Variants in SLC6A18 observed in about 807,000 individuals in gnomAD.
The protein encoded by SLC6A18 is inactive sodium-dependent neutral amino acid transporter B(0)AT3.
A neutral mutation model predicts 62.9 loss-of-function variants in SLC6A18; 58 were observed. That is an observed-to-expected ratio of 0.92 (90% CI 0.75 to 1.15). The LOEUF is 1.15. Among genes scored for constraint, SLC6A18 ranks in the 50% most tolerant of loss-of-function variants. SLC6A18 has a pLI of 0.00. For synonymous variants in SLC6A18, 382 were observed against 365.8 expected (o/e 1.04, Z -0.51); for missense variants, 793 against 836.6 (o/e 0.95, Z 0.64).
At chr5:1,228,341 G>T (rs1346484374) in intron 1 of SLC6A18, among the ~76,000 whole-genome samples, 1 of 152,150 alleles carries the variant, frequency 6.6e-6, no homozygotes, top group Non-Finnish European at 1.5e-5. Context: ...CTGCACCCTC[G>T]CGGCTCCCGG....
In SLC6A18 at chr5:1,244,270, A is replaced by T; in HGVS notation, c.1393A>T (p.Asn465Tyr). Residue 465 changes from asparagine to tyrosine, a missense_variant, in exon 10 of 12, where the codon AAC (asparagine) becomes TAC (tyrosine). By Grantham distance (143) the Asn-to-Tyr change is moderately radical. Coordinates refer to ENST00000324642, the MANE Select transcript of SLC6A18 (RefSeq NM_182632.3). ...SATCFTLQSGNYWLEIFDNFA... is the reference protein window; with the variant it reads ...SATCFTLQSGYYWLEIFDNFA... Reference sequence around the variant, plus strand: ...CACCTGCTTCACGCTGCAGTCTGGGAACTACTGGCTGGAGATTTTCGACAA... The same window carrying T: ...CACCTGCTTCACGCTGCAGTCTGGGTACTACTGGCTGGAGATTTTCGACAA... 1 of 1,586,840 alleles carries T rather than the reference A, an allele frequency of 6.3e-7. No homozygotes were observed. The highest frequency in any genetic ancestry group is 1.7e-4 in the Middle Eastern group (1 of 5,906).
intron 5 of SLC6A18, among the ~76,000 whole-genome samples, chr5:1,238,378 G>GAGGAGGACTTCGGTCT (rs752081648): frequency 2.6e-4 from 19 of 73,294 alleles, no homozygotes; most frequent in African/African-American, 8.7e-4. Context: ...AGTGGGCCTG[G>GAGGAGGACTTCGGTCT]GGCCTCAGGA....
Position 1,225,408 on chromosome 5 carries a change from G to C in SLC6A18, c.-70G>C. ...TTTCCAAACGTCGGCAGAGGCTGGA[G>C]ACGGCTCTCTAGTGCTGGGTGTGGA... On this transcript the variant is annotated 5_prime_UTR_variant, in exon 1 of 12. Coordinates refer to ENST00000324642, the MANE Select transcript of SLC6A18 (RefSeq NM_182632.3). The C allele has an allele frequency of 1.3e-6, 2 of 1,482,948 alleles. No homozygotes were observed. Among genetic ancestry groups the C allele is most frequent in the Non-Finnish European group, 1.8e-6 (2 of 1,110,130 alleles). 91.9% of individuals were successfully genotyped at this position (1,482,948 alleles called of 1,614,324 possible).
At chr5:1,236,062 C>T (rs1746876022) in intron 4 of SLC6A18, among the ~76,000 whole-genome samples, 1 of 152,170 alleles carries the variant, frequency 6.6e-6, no homozygotes. Context: ...AGAGCATTTA[C>T]ATTTAATGTG....
chr5:1,226,915 A>G (rs1451424868), intron 1 of SLC6A18, among the ~76,000 whole-genome samples: 2 of 152,078 alleles, frequency 1.3e-5, no homozygotes, highest in African/African-American at 4.8e-5. Context: ...TTGTTCGCCA[A>G]TGCCTTGCCC....
At chr5:1,231,064 G>A (rs1249831983) in intron 1 of SLC6A18, among the ~76,000 whole-genome samples, 1 of 152,188 alleles carries the variant, frequency 6.6e-6, no homozygotes, top group East Asian at 1.9e-4. Flanking sequence ...AGGTCTTGTA[G>A]GCAGCTGCTG....
Position 1,239,511 on chromosome 5 carries a change from T to C in SLC6A18, c.794T>C (p.Leu265Pro), listed in dbSNP as rs1746996139. 6.2e-7 allele frequency: 1 copy of C among 1,614,102 alleles called. No homozygotes were observed. The change falls in exon 6 of 12, where the codon CTG (leucine) becomes CCG (proline). Residue 265 changes from leucine to proline, a missense_variant. Transcript: ENST00000324642. Reference protein sequence around the residue: ...LDAATQIFFSLSLAFGGHIAF... With the variant: ...LDAATQIFFSPSLAFGGHIAF... ...GCAGCCACCCAGATATTCTTCTCTC[T>C]GTCCCTGGCCTTCGGAGGACACATC...
intron 5 of SLC6A18, 42 bp from the exon 6 acceptor site, chr5:1,239,408 G>A: frequency 6.8e-7 from 1 of 1,478,132 alleles, no homozygotes; most frequent in Non-Finnish European, 9.5e-7. Flanking sequence ...CAGCTCATGT[G>A]GTTTGCCTGC....
Position 1,246,115 on chromosome 5 carries a change from G to C in SLC6A18, c.*37G>C, listed in dbSNP as rs753378190. On this transcript the variant is annotated 3_prime_UTR_variant, in exon 12 of 12. Coordinates refer to ENST00000324642, the MANE Select transcript of SLC6A18 (RefSeq NM_182632.3). ...GCGGGGCCTGCATGGGCGGGTCTGT[G>C]GGGGGGCTTGGCCTGATGGTGGGCG... 3.5e-5 allele frequency: 54 copies of C among 1,529,716 alleles called. No homozygotes were observed. Among genetic ancestry groups the C allele is most frequent in the Non-Finnish European group, 4.6e-5 (53 of 1,143,982 alleles). The allele number at this position is 1,529,716 out of a possible 1,614,324, so 94.8% of individuals were successfully genotyped here.
At chr5:1,237,077 TA>T (rs59702141) in intron 4 of SLC6A18, among the ~76,000 whole-genome samples, 43,338 of 137,468 alleles carry the variant, frequency 0.32, 6,481 homozygotes, top group Middle Eastern at 0.42. Context: ...CTACTAAAAA[TA>T]AAAAAAAAAA....
intron 8 of SLC6A18, 94 bp downstream of exon 8, chr5:1,242,957 A>G (rs935503932): frequency 7.2e-7 from 1 of 1,385,406 alleles, no homozygotes. Context: ...GCTGCAAACA[A>G]TTCCCACAGA....
chr5:1,239,438 G>A lies in SLC6A18; in HGVS notation c.733-12G>A. On this transcript the variant is annotated splice_polypyrimidine_tract_variant and intron_variant, in intron 5 of 11. Coordinates refer to ENST00000324642, the MANE Select transcript of SLC6A18 (RefSeq NM_182632.3). ...GCCTGCTGAGTGAGACGCTCTCCCTGACTCATTCCAGATGCACATTCTCCA... is the reference window on the plus strand; with the variant it reads ...GCCTGCTGAGTGAGACGCTCTCCCTAACTCATTCCAGATGCACATTCTCCA... 6.2e-7 allele frequency: 1 copy of A among 1,602,822 alleles called. No individual in the cohort carries two copies. The highest frequency in any genetic ancestry group is 8.5e-7 in the Non-Finnish European group (1 of 1,169,878).
chr5:1,238,926 C>G (rs1056796767), intron 5 of SLC6A18, among the ~76,000 whole-genome samples: 1 of 152,224 alleles, frequency 6.6e-6, no homozygotes, highest in Non-Finnish European at 1.5e-5. Flanking sequence ...TATCCCAGAT[C>G]GCGGCACTCC....
At chr5:1,233,855 C>A (rs1299623471) in intron 3 of SLC6A18, among the ~76,000 whole-genome samples, 1 of 151,922 alleles carries the variant, frequency 6.6e-6, no homozygotes, top group African/African-American at 2.4e-5. Context: ...CATTCTCCTG[C>A]CTCAGCCTCC....
Position 1,246,111 on chromosome 5 carries a change from C to G in SLC6A18, c.*33C>G, listed in dbSNP as rs1382688200. 1.2e-5 allele frequency: 17 copies of G among 1,455,200 alleles called. No homozygotes were observed. In the South Asian group the frequency reaches 1.9e-4, roughly 17 times the overall value. 90.1% of individuals were successfully genotyped at this position (1,455,200 alleles called of 1,614,324 possible). The stretch of plus-strand genomic sequence containing the variant: ...CGGAGCGGGGCCTGCATGGGCGGGT[C>G]TGTGGGGGGGCTTGGCCTGATGGTG... On this transcript the variant is annotated 3_prime_UTR_variant, in exon 12 of 12. Transcript: ENST00000324642.
chr5:1,240,507 T>G, intron 6 of SLC6A18, 24 bp from the exon 7 acceptor site: 3 of 1,613,534 alleles, frequency 1.9e-6, no homozygotes, highest in African/African-American at 1.3e-5. Context: ...GCAAAGCCTG[T>G]GATGAGCGTG....
At chr5:1,234,532 G>C (rs1746835190) in intron 3 of SLC6A18, among the ~76,000 whole-genome samples, 1 of 152,348 alleles carries the variant, frequency 6.6e-6, no homozygotes, top group East Asian at 1.9e-4. Flanking sequence ...GTTTACTTTT[G>C]GGGTCACTTA....
At chr5:1,238,238 GAAA>G in intron 5 of SLC6A18, among the ~76,000 whole-genome samples, 178 bp downstream of exon 5, 1 of 97,716 alleles carries the variant, frequency 1.0e-5, no homozygotes, top group Non-Finnish European at 2.0e-5. Context: ...GGGGCCTTAG[GAAA>G]GAGGTCAGGT....
At chr5:1,232,959 C>T (rs1201636861) in intron 3 of SLC6A18, 71 bp downstream of exon 3, 2 of 1,535,182 alleles carry the variant, frequency 1.3e-6, no homozygotes, top group African/African-American at 2.7e-5. Context: ...GCGTGTCCAG[C>T]ATCAGAGCAG....
Sources: allele counts gnomAD v4.1 joint callset (sites outside exome capture counted in the v4.1 genomes callset), GRCh38; gene constraint gnomAD v4.1.1; transcripts MANE v1.5; gene names NCBI Gene and HGNC (gene_info 2026-07-23, HGNC 2026-07-21).